The following FARS2 variants were observed in gnomAD, a reference collection of about 807,000 sequenced individuals.
FARS2 encodes phenylalanine--tRNA ligase, mitochondrial.
In FARS2, 40 loss-of-function variants were observed where a neutral mutation model predicts 46.4. The observed-to-expected ratio is 0.86, with a 90% CI of 0.67 to 1.12. The LOEUF (loss-of-function observed/expected upper bound fraction) is 1.12, where lower values mean the gene tolerates loss of function less well. Ranked by LOEUF, FARS2 falls within the 50% of genes most tolerant of loss-of-function variation. The pLI is 0.00. For missense variants in FARS2, 513 were observed against 567.9 expected, an observed-to-expected ratio of 0.90 and a Z score of 0.98; for synonymous variants, 234 against 214.9, an observed-to-expected ratio of 1.09 and a Z score of -0.78.
chr6:5,709,441 G>A (rs1758966435), intron 6 of FARS2, among the ~76,000 whole-genome samples: 1 of 152,172 alleles, frequency 6.6e-6, no homozygotes, highest in South Asian at 2.1e-4. Flanking sequence ...AAATCTGCCA[G>A]TTGGAGGAAC....
At chr6:5,718,848 G>A (rs1037080545) in intron 6 of FARS2, among the ~76,000 whole-genome samples, 2 of 152,144 alleles carry the variant, frequency 1.3e-5, no homozygotes, top group African/African-American at 4.8e-5. Flanking sequence ...GGTTAGGTGT[G>A]TTGCAAAACA....
chr6:5,444,492 AAGAGAG>A lies in FARS2; in HGVS notation c.904+13337_904+13342del, dbSNP rs1159436875. Among the ~76,000 whole-genome samples the A allele has an allele frequency of 2.0e-3, 70 of 35,610 alleles. 1 individual carries two copies. The highest frequency in any genetic ancestry group is 8.9e-3 in the South Asian group (8 of 896). The allele number at this position is 35,610 out of a possible 152,430, so 23.4% of individuals were successfully genotyped here. ...AAAAAAAAAAAAAAAAAAAAAAAAA[AAGAGAG>A]AGAGAGAGAGAGAGAGGAAAAAATC... On this transcript the variant is annotated intron_variant, in intron 4 of 6. Transcript: ENST00000274680.
At chr6:5,432,392 T>A (rs1182367520) in intron 4 of FARS2, among the ~76,000 whole-genome samples, 2,330 of 127,202 alleles carry the variant, frequency 0.018, 43 homozygotes, top group South Asian at 0.057. Context: ...TATTATACAT[T>A]ATATATATTA....
chr6:5,594,256 G>A (rs1310711386), intron 5 of FARS2, among the ~76,000 whole-genome samples: 4 of 152,162 alleles, frequency 2.6e-5, no homozygotes, highest in African/African-American at 7.2e-5. Context: ...CAGAGGATTC[G>A]TGCCTGAAGC....
At chr6:5,327,430 G>C (rs190958001) in intron 1 of FARS2, among the ~76,000 whole-genome samples, 28 of 152,150 alleles carry the variant, frequency 1.8e-4, no homozygotes, top group Non-Finnish European at 3.7e-4. Flanking sequence ...TGTCATGGGA[G>C]GGACCTGGTG....
chr6:5,454,130 G>A (rs1235370672), intron 4 of FARS2, among the ~76,000 whole-genome samples: 1 of 145,814 alleles, frequency 6.9e-6, no homozygotes, highest in African/African-American at 2.5e-5. Flanking sequence ...TGGTTTGTTT[G>A]TTTTTTTCAA....
intron 1 of FARS2, among the ~76,000 whole-genome samples, chr6:5,360,553 GA>G (rs1391598878): frequency 2.0e-5 from 3 of 152,012 alleles, no homozygotes; most frequent in African/African-American, 7.3e-5. Flanking sequence ...GTTAGTTCCA[GA>G]ATTTGTAGAC....
chr6:5,473,885 G>A (rs1397451834), intron 4 of FARS2, among the ~76,000 whole-genome samples: 1 of 152,160 alleles, frequency 6.6e-6, no homozygotes, highest in Non-Finnish European at 1.5e-5. Context: ...CAGAATGGAC[G>A]CCGCCCTGCT....
At chr6:5,361,073 G>A (rs931820819) in intron 1 of FARS2, among the ~76,000 whole-genome samples, 14 of 152,136 alleles carry the variant, frequency 9.2e-5, no homozygotes, top group Non-Finnish European at 1.6e-4. Flanking sequence ...TAAGCACCAG[G>A]GATAAATTGC....
chr6:5,532,784 A>AATC (rs1769941281), intron 4 of FARS2, among the ~76,000 whole-genome samples: 1 of 106,654 alleles, frequency 9.4e-6, no homozygotes, highest in African/African-American at 4.7e-5. Context: ...TAATAATAAT[A>AATC]AGAAGAAGAA....
At chr6:5,609,514 CA>C (rs1430746701) in intron 5 of FARS2, 1 of 1,233,884 alleles carries the variant, frequency 8.1e-7, no homozygotes, top group Non-Finnish European at 1.2e-6. Context: ...CCAAAGCCAC[CA>C]TGACCACTGA....
At chr6:5,397,212 C>A (rs1156772270) in intron 2 of FARS2, among the ~76,000 whole-genome samples, 1 of 152,152 alleles carries the variant, frequency 6.6e-6, no homozygotes. Context: ...GCTCCATACT[C>A]TATGTTTCCC....
At chr6:5,348,723 A>C in intron 1 of FARS2, among the ~76,000 whole-genome samples, 1 of 143,934 alleles carries the variant, frequency 6.9e-6, no homozygotes, top group East Asian at 2.6e-4. Context: ...CAGCAGGCTA[A>C]AGAAGAAAAA....
chr6:5,646,188 C>T (rs1267991184), intron 6 of FARS2, among the ~76,000 whole-genome samples: 1 of 152,102 alleles, frequency 6.6e-6, no homozygotes, highest in Non-Finnish European at 1.5e-5. Flanking sequence ...TTGAGGTCAC[C>T]GTGTGTCCTT....
At chr6:5,294,472 T>C (rs1199387328) in intron 1 of FARS2, among the ~76,000 whole-genome samples, 1 of 152,174 alleles carries the variant, frequency 6.6e-6, no homozygotes, top group Non-Finnish European at 1.5e-5. Flanking sequence ...AGGCACCGGT[T>C]GGATGTCCTC....
chr6:5,749,478 G>T (rs1241256927), intron 6 of FARS2, among the ~76,000 whole-genome samples: 1 of 152,208 alleles, frequency 6.6e-6, no homozygotes, highest in African/African-American at 2.4e-5. Context: ...AGGGGCTTCT[G>T]TGTCACCTCC....
chr6:5,412,094 T>C (rs1302547739), intron 3 of FARS2, among the ~76,000 whole-genome samples: 1 of 152,192 alleles, frequency 6.6e-6, no homozygotes, highest in African/African-American at 2.4e-5. Flanking sequence ...GGGGGAGTCA[T>C]GTCTTGTCTT....
At chr6:5,683,604 TC>T (rs1779143309) in intron 6 of FARS2, among the ~76,000 whole-genome samples, 1 of 151,692 alleles carries the variant, frequency 6.6e-6, no homozygotes, top group South Asian at 2.1e-4. Context: ...TTTGTTTTTT[TC>T]TTTTTTTTTT....
At chr6:5,768,644 T>C (rs1265319653) in intron 6 of FARS2, among the ~76,000 whole-genome samples, 1 of 152,232 alleles carries the variant, frequency 6.6e-6, no homozygotes, top group East Asian at 1.9e-4. Context: ...ATACTTGTTA[T>C]TTTCCTTTTG....
Sources: allele counts gnomAD v4.1 joint callset (sites outside exome capture counted in the v4.1 genomes callset), GRCh38; gene constraint gnomAD v4.1.1; transcripts MANE v1.5; gene names NCBI Gene and HGNC (gene_info 2026-07-23, HGNC 2026-07-21).